ANKFN1: variants seen among roughly 807,000 people sequenced by gnomAD.
The protein encoded by ANKFN1 is ankyrin repeat and fibronectin type III domain containing 1.
A neutral mutation model predicts 108.7 loss-of-function variants in ANKFN1; 74 were observed. That is an observed-to-expected ratio of 0.68 (90% confidence interval 0.56 to 0.83). The LOEUF (loss-of-function observed/expected upper bound fraction) is 0.83. Ranked by LOEUF, ANKFN1 falls within the 40% of genes least tolerant of loss-of-function variation. ANKFN1 has a pLI of 0.00. For synonymous variants in ANKFN1, 547 were observed against 516.2 expected (o/e 1.06, Z -0.81); for missense variants, 1,505 against 1,382.3 (o/e 1.09, Z -1.41).
chr17:56,139,651 C>G (rs1361622055), intron 4 of ANKFN1, among the ~76,000 whole-genome samples: 1 of 152,162 alleles, frequency 6.6e-6, no homozygotes, highest in Non-Finnish European at 1.5e-5. Flanking sequence ...AACAGTCAAA[C>G]TCAGCCTGAA....
rs527561065 is a variant in ANKFN1, at chr17:56,387,010, A to T, written c.910+12296A>T. ...ACATAATGTTTAAATCATGGTGATT[A>T]TAGCCCCTTTAATATTTCAAAAGTT... On this transcript the variant is annotated intron_variant, in intron 8 of 20. Coordinates refer to ENST00000682825, the MANE Select transcript of ANKFN1 (RefSeq NM_001370326.1). Among the ~76,000 whole-genome samples the T allele has an allele frequency of 2.2e-4, 34 of 152,246 alleles. No homozygotes were observed. The South Asian group carries it at 7.0e-3, about 32-fold the overall frequency.
At position 56,510,546 on chromosome 17, in the gene ANKFN1, C is replaced by A; in HGVS notation, c.2718C>A (p.Ser906Arg). The A allele has an allele frequency of 6.5e-7, 1 of 1,536,178 alleles. No individual in the cohort carries two copies. The highest frequency in any genetic ancestry group is 8.7e-7 in the Non-Finnish European group (1 of 1,146,900). ...CCACCAACAGTGACTACGACTCCAG[C>A]GATGCCCTGAGCCCCAGAGACCTGG... ...FLPTNSDYDS[S>R]DALSPRDLDL... The change falls in exon 21 of 21, where the codon AGC becomes AGA. Residue 906 changes from serine to arginine, a missense_variant. Physicochemically the swap from Ser to Arg is moderately radical, Grantham distance 110. Transcript: ENST00000682825.
chr17:56,049,951 T>C (rs1486966168), intron 4 of ANKFN1, among the ~76,000 whole-genome samples: 34 of 152,188 alleles, frequency 2.2e-4, no homozygotes, highest in East Asian at 3.9e-4. Context: ...GTTCTAGATT[T>C]CTGAGGAATC....
rs1347694460 is a variant in ANKFN1 at position 56,339,463 on chromosome 17, C to G, written c.189-11303C>G. Among the ~76,000 whole-genome samples the G allele has an allele frequency of 3.9e-5, 6 of 151,968 alleles. No individual in the cohort carries two copies. The East Asian group carries it at 1.2e-3, about 29-fold the overall frequency. On this transcript the variant is annotated intron_variant, in intron 4 of 20. Transcript: ENST00000682825. The stretch of plus-strand genomic sequence containing the variant: ...TTCCTGATCCTCTCCCTCTTCCTAT[C>G]CTTCACCCTCTGAAAGGCCCCAGTA...
chr17:56,448,625 C>A (rs2049374511), intron 10 of ANKFN1, among the ~76,000 whole-genome samples: 1 of 152,114 alleles, frequency 6.6e-6, no homozygotes, highest in Non-Finnish European at 1.5e-5. Context: ...AAGTGTGAAA[C>A]CTACAATAAA....
chr17:56,459,683 GCTCTTTATTATGTGTTTATTGGAGGTTT>G (rs1377180644), intron 14 of ANKFN1, among the ~76,000 whole-genome samples: 1 of 152,174 alleles, frequency 6.6e-6, no homozygotes, highest in African/African-American at 2.4e-5. Flanking sequence ...TTCAAGGGGG[GCTCTTTATTATGTGTTTATTGGAGGTTT>G]CTTAGAACTT....
At chr17:56,131,344 A>G (rs1245405386) in intron 4 of ANKFN1, among the ~76,000 whole-genome samples, 1 of 152,204 alleles carries the variant, frequency 6.6e-6, no homozygotes, top group African/African-American at 2.4e-5. Flanking sequence ...CAGCTTTTGA[A>G]ATAACCCATT....
At chr17:56,436,521 C>T (rs540569995) in intron 8 of ANKFN1, among the ~76,000 whole-genome samples, 1 of 152,192 alleles carries the variant, frequency 6.6e-6, no homozygotes, top group East Asian at 1.9e-4. Context: ...CTGAGTTAAC[C>T]TTCTTAGAAT....
intron 4 of ANKFN1, among the ~76,000 whole-genome samples, chr17:56,094,736 G>T (rs1307005458): frequency 4.1e-5 from 6 of 146,276 alleles, no homozygotes; most frequent in Non-Finnish European, 7.5e-5. Flanking sequence ...TGGCCAGGAT[G>T]GTCTTGATCT....
intron 19 of ANKFN1, among the ~76,000 whole-genome samples, chr17:56,493,735 G>T (rs536559794): frequency 6.6e-6 from 1 of 152,184 alleles, no homozygotes; most frequent in African/African-American, 2.4e-5. Flanking sequence ...CAGCCATACT[G>T]GTTGTTTATT....
chr17:56,510,450 A>T, intron 20 of ANKFN1, 23 bp from the exon 21 acceptor site: 1 of 1,529,578 alleles, frequency 6.5e-7, no homozygotes, highest in Non-Finnish European at 8.7e-7. Context: ...TATTTTTCCT[A>T]ACCTCAGTTT....
At chr17:56,245,208 A>T (rs953466889) in intron 3 of ANKFN1, among the ~76,000 whole-genome samples, 5 of 152,156 alleles carry the variant, frequency 3.3e-5, no homozygotes, top group African/African-American at 7.2e-5. Context: ...ATCCTTTACC[A>T]GGCACAGGAA....
chr17:56,384,943 T>G (rs1338287188), intron 8 of ANKFN1, among the ~76,000 whole-genome samples: 2 of 151,594 alleles, frequency 1.3e-5, no homozygotes, highest in Non-Finnish European at 2.9e-5. Flanking sequence ...TACCAATGAC[T>G]TTCTTCACAG....
intron 3 of ANKFN1, among the ~76,000 whole-genome samples, chr17:56,310,901 A>C (rs1303665653): frequency 6.6e-6 from 1 of 152,048 alleles, no homozygotes. Context: ...TTTTGTAACC[A>C]TTGACCAACG....
chr17:56,264,821 G>A (rs1225915634), intron 3 of ANKFN1, among the ~76,000 whole-genome samples: 2 of 152,026 alleles, frequency 1.3e-5, no homozygotes, highest in Admixed American at 6.6e-5. Flanking sequence ...TCCATGATTC[G>A]TAGTCCATCT....
intron 4 of ANKFN1, among the ~76,000 whole-genome samples, chr17:56,067,417 G>A (rs548824421): frequency 7.9e-5 from 12 of 151,812 alleles, no homozygotes; most frequent in Non-Finnish European, 1.3e-4. Flanking sequence ...TGCCTTCCTC[G>A]GTGCCTTCTT....
chr17:56,467,216 G>A (rs117151146), intron 15 of ANKFN1, among the ~76,000 whole-genome samples: 463 of 151,502 alleles, frequency 3.1e-3, no homozygotes, highest in Middle Eastern at 6.8e-3. Context: ...TGAATGAACT[G>A]TAATGACAAT....
chr17:56,466,759 T>C (rs1044946270), intron 15 of ANKFN1, among the ~76,000 whole-genome samples, 188 bp downstream of exon 15: 2 of 152,192 alleles, frequency 1.3e-5, no homozygotes, highest in African/African-American at 4.8e-5. Flanking sequence ...AATTCATTCA[T>C]ACAAATAGTG....
At chr17:56,468,391 C>G (rs2050204716) in intron 15 of ANKFN1, among the ~76,000 whole-genome samples, 1 of 152,078 alleles carries the variant, frequency 6.6e-6, no homozygotes, top group African/African-American at 2.4e-5. Context: ...CTTTTGTGAA[C>G]ATGGGCTTCA....
Sources: allele counts gnomAD v4.1 joint callset (sites outside exome capture counted in the v4.1 genomes callset), GRCh38; gene constraint gnomAD v4.1.1; transcripts MANE v1.5; gene names NCBI Gene and HGNC (gene_info 2026-07-23, HGNC 2026-07-21).